The following ABLIM2 variants were observed in gnomAD, a reference collection of about 807,000 sequenced individuals.
ABLIM2 encodes actin binding LIM protein family member 2, also known as actin-binding LIM protein 2.
ABLIM2 carries 53 observed loss-of-function variants against 97.7 expected under a neutral mutation model. The ratio of observed to expected loss-of-function variants is 0.54; its 90% CI spans 0.44 to 0.68. ABLIM2 has a LOEUF of 0.68. ABLIM2 is among the 30% of genes least tolerant of loss of function. The pLI, the probability that ABLIM2 is intolerant of heterozygous loss-of-function variation, is 0.00. For missense variants in ABLIM2, 835 were observed against 867.2 expected, an observed-to-expected ratio of 0.96 and a Z score of 0.47; for synonymous variants, 361 against 345.8, an observed-to-expected ratio of 1.04 and a Z score of -0.49.
rs988657216 is a variant in ABLIM2 at position 8,124,167 on chromosome 4, C to T, written c.11-17530G>A. Among the ~76,000 whole-genome samples the T allele has an allele frequency of 2.6e-5, 4 of 152,176 alleles. No individual in the cohort carries two copies. Among genetic ancestry groups the T allele is most frequent in the African/African-American group, 7.2e-5 (3 of 41,436 alleles). ...TCTATCTTCTCATAAGGCAGCACCTCGATGTGCTTTCAGAAACAATATTCT... is the reference window on the plus strand; with the variant it reads ...TCTATCTTCTCATAAGGCAGCACCTTGATGTGCTTTCAGAAACAATATTCT... On this transcript the variant is annotated intron_variant, in intron 1 of 20. Coordinates refer to ENST00000447017, the MANE Select transcript of ABLIM2 (RefSeq NM_001130083.2). The surrounding 1 kb of genome is among the most constrained non-coding windows in gnomAD (Gnocchi z 6.1).
chr4:7,996,138 T>C lies in ABLIM2; in HGVS notation c.1619-3211A>G, dbSNP rs375848173. Among the ~76,000 whole-genome samples, 2 of 152,164 alleles carry C rather than the reference T, an allele frequency of 1.3e-5. No individual in the cohort carries two copies. Among genetic ancestry groups the C allele is most frequent in the East Asian group, 1.9e-4 (1 of 5,182 alleles). ...GGTGCTAGAGGGGTGGTTCTCAAAC[T>C]GGCATCCCCAGCTAGCAGCCCCAAC... is the stretch of plus-strand genomic sequence containing the variant. On this transcript the variant is annotated intron_variant, in intron 16 of 20. Coordinates refer to ENST00000447017, the MANE Select transcript of ABLIM2 (RefSeq NM_001130083.2). The surrounding 1 kb of genome is among the most constrained non-coding windows in gnomAD (Gnocchi z 4.5).
intron 4 of ABLIM2, among the ~76,000 whole-genome samples, chr4:8,086,113 G>C (rs951711246): frequency 6.6e-6 from 1 of 152,150 alleles, no homozygotes; most frequent in Non-Finnish European, 1.5e-5. Flanking sequence ...CACAGAAATG[G>C]TTCTAAGCTC....
intron 12 of ABLIM2, among the ~76,000 whole-genome samples, chr4:8,027,333 C>T (rs1305928653): frequency 6.6e-6 from 1 of 152,172 alleles, no homozygotes; most frequent in East Asian, 1.9e-4. Context: ...CCCTGGGCCC[C>T]AGGAGCTCTG....
At chr4:8,062,686 G>A (rs765243040) in intron 6 of ABLIM2, among the ~76,000 whole-genome samples, 2 of 152,026 alleles carry the variant, frequency 1.3e-5, no homozygotes, top group South Asian at 2.1e-4. Context: ...TGATCCGCCC[G>A]CCTCAGCCTC....
rs150842671 is a variant in ABLIM2 at position 8,156,879 on chromosome 4, C to T, written c.10+1801G>A. Among the ~76,000 whole-genome samples, 10 of 152,220 alleles carry T rather than the reference C, an allele frequency of 6.6e-5. 1 individual carries two copies. Among genetic ancestry groups the T allele is most frequent in the East Asian group, 5.8e-4 (3 of 5,202 alleles). ...CTGTGTGGGTGGAATGCCTGCTGTG[C>T]GCATCATCGGCTGGGGACAGGGCTG... is the stretch of plus-strand genomic sequence containing the variant. On this transcript the variant is annotated intron_variant, in intron 1 of 20. Coordinates refer to ENST00000447017, the MANE Select transcript of ABLIM2 (RefSeq NM_001130083.2).
intron 1 of ABLIM2, among the ~76,000 whole-genome samples, chr4:8,141,849 C>T (rs758055882): frequency 3.5e-4 from 54 of 152,256 alleles, no homozygotes; most frequent in Non-Finnish European, 5.3e-4. Flanking sequence ...CATATGTCCA[C>T]CTGGGTGGGG....
At chr4:8,025,668 G>T (rs1161051931) in intron 12 of ABLIM2, among the ~76,000 whole-genome samples, 1 of 152,156 alleles carries the variant, frequency 6.6e-6, no homozygotes, top group Non-Finnish European at 1.5e-5. Context: ...GGCTGGCTCT[G>T]GCTCTAGGAC....
At chr4:8,052,394 G>C (rs1039282844) in intron 8 of ABLIM2, among the ~76,000 whole-genome samples, 1 of 152,236 alleles carries the variant, frequency 6.6e-6, no homozygotes, top group Non-Finnish European at 1.5e-5. Flanking sequence ...CGCAGCCTCA[G>C]GGTAGCTTGT....
intron 1 of ABLIM2, among the ~76,000 whole-genome samples, chr4:8,139,554 C>T (rs1477491253): frequency 6.6e-6 from 1 of 152,192 alleles, no homozygotes; most frequent in African/African-American, 2.4e-5. Flanking sequence ...CGATGAGATA[C>T]CATCTCACAC....
intron 20 of ABLIM2, among the ~76,000 whole-genome samples, chr4:7,980,838 T>G (rs564120771): frequency 7.2e-5 from 11 of 152,080 alleles, no homozygotes; most frequent in African/African-American, 2.7e-4. Flanking sequence ...TCTAGCACCT[T>G]TTAAAAGTCC....
At chr4:8,060,816 C>T (rs994822747) in intron 7 of ABLIM2, 151 bp downstream of exon 7, 1 of 634,350 alleles carries the variant, frequency 1.6e-6, no homozygotes, top group Non-Finnish European at 2.8e-6. Flanking sequence ...CGTGCCACCG[C>T]CCTGCCCTGC....
chr4:8,133,849 C>T (rs921292129), intron 1 of ABLIM2, among the ~76,000 whole-genome samples: 2 of 152,238 alleles, frequency 1.3e-5, no homozygotes, highest in African/African-American at 4.8e-5. Context: ...GCTAGTTAGG[C>T]AGTGTCCCTG....
In ABLIM2 at chr4:8,071,061, TCTC is replaced by T. The variant is rs1444037738; in HGVS notation, c.675+6564_675+6566del. Among the ~76,000 whole-genome samples the T allele has an allele frequency of 6.6e-6, 1 of 152,068 alleles. No homozygotes were observed. Among genetic ancestry groups the T allele is most frequent in the African/African-American group, 2.4e-5 (1 of 41,406 alleles). ...GGCTCTGAACACATGGCCAGTGGCT[TCTC>T]CTCATCCACACCTCCTCCCTTTATG... On this transcript the variant is annotated intron_variant, in intron 6 of 20. Transcript: ENST00000447017. This position sits in a 1 kb window ranked among gnomAD's most constrained non-coding sequence, Gnocchi z 6.2.
Position 8,089,855 on chromosome 4 carries a change from C to A in ABLIM2, c.339-1571G>T, listed in dbSNP as rs577120185. On this transcript the variant is annotated intron_variant, in intron 3 of 20. Coordinates refer to ENST00000447017, the MANE Select transcript of ABLIM2 (RefSeq NM_001130083.2). Reference sequence around the variant, plus strand: ...AATGAATGGGTGAATAAGTGAAGGACTGAAGCTCTCCTAGGGGGCCACGCT... The same window carrying A: ...AATGAATGGGTGAATAAGTGAAGGAATGAAGCTCTCCTAGGGGGCCACGCT... Among the ~76,000 whole-genome samples, 11 of 151,720 alleles carry A rather than the reference C, an allele frequency of 7.3e-5. No homozygotes were observed. In the East Asian group the frequency reaches 2.1e-3, roughly 30 times the overall value.
intron 14 of ABLIM2, among the ~76,000 whole-genome samples, chr4:8,014,413 T>A (rs541171591): frequency 3.9e-5 from 6 of 152,350 alleles, no homozygotes; most frequent in East Asian, 3.9e-4. Context: ...CAGAATAATC[T>A]CTATCTCTAC....
At chr4:8,017,307 T>A (rs905463853) in intron 14 of ABLIM2, among the ~76,000 whole-genome samples, 83 of 151,388 alleles carry the variant, frequency 5.5e-4, no homozygotes, top group Middle Eastern at 3.4e-3. Context: ...TATTATTTTT[T>A]TTTTTCAGAG....
At chr4:8,070,813 A>G (rs1051916164) in intron 6 of ABLIM2, among the ~76,000 whole-genome samples, 2 of 151,930 alleles carry the variant, frequency 1.3e-5, no homozygotes, top group Non-Finnish European at 2.9e-5. Context: ...GGAGGAGGGG[A>G]GGAGTAAAGG....
intron 16 of ABLIM2, among the ~76,000 whole-genome samples, chr4:7,995,963 C>T (rs1193467765): frequency 2.6e-5 from 4 of 152,094 alleles, no homozygotes; most frequent in East Asian, 1.9e-4. Context: ...AGCCAGGTAG[C>T]GGCAGCCCCA....
At position 8,125,233 on chromosome 4, in the gene ABLIM2, A is replaced by G. The variant is rs749177996; in HGVS notation, c.11-18596T>C. Among the ~76,000 whole-genome samples the G allele has an allele frequency of 2.0e-5, 3 of 152,210 alleles. No individual in the cohort carries two copies. Among genetic ancestry groups the G allele is most frequent in the Non-Finnish European group, 2.9e-5 (2 of 68,036 alleles). ...GGTTTTTGATGAAATCCAGTCGTCT[A>G]TATCTTGTTATGACGGCTTGGGCTT... On this transcript the variant is annotated intron_variant, in intron 1 of 20. Coordinates refer to ENST00000447017, the MANE Select transcript of ABLIM2 (RefSeq NM_001130083.2). The surrounding 1 kb of genome is among the most constrained non-coding windows in gnomAD (Gnocchi z 6.2).
Sources: gnomAD v4.1 joint callset for allele counts (sites outside exome capture counted in the v4.1 genomes callset) on GRCh38, gnomAD v4.1.1 for gene constraint, Gnocchi (gnomAD v3.1) non-coding constraint, MANE v1.5 for transcripts, NCBI Gene and HGNC (gene_info 2026-07-23, HGNC 2026-07-21) for gene names.